The following NALF1 variants were observed in gnomAD, a reference collection of about 807,000 sequenced individuals.
The protein encoded by NALF1 is NALCN channel auxiliary factor 1.
A neutral mutation model predicts 48.4 loss-of-function variants in NALF1; 3 were observed. The observed-to-expected ratio is 0.06, with a 90% CI of 0.03 to 0.16. NALF1 has a LOEUF of 0.16. Among genes scored for constraint, NALF1 ranks in the 10% least tolerant of loss-of-function variants. NALF1 has a pLI of 1.00. For synonymous variants in NALF1, 262 were observed against 245.7 expected (o/e 1.07, Z -0.62); for missense variants, 526 against 571.5 (o/e 0.92, Z 0.81).
At chr13:107,475,116 C>A (rs1015764593) in intron 1 of NALF1, among the ~76,000 whole-genome samples, 5 of 152,116 alleles carry the variant, frequency 3.3e-5, no homozygotes, top group African/African-American at 1.2e-4. Context: ...AGAGAAGAGG[C>A]CAGAAGAGCT....
Position 107,865,868 on chromosome 13 carries a change from A to G in NALF1, c.729T>C (p.Thr243=). The change falls in exon 1 of 3, where the codon ACT becomes ACC. Residue 243 remains threonine (T), a synonymous_variant. Transcript: ENST00000375915. ...ELFSGLSSPN[T]LNCSLDVVLK... is the part of the protein sequence containing the mutation. Reference sequence around the variant, plus strand: ...GCACCACATCCAGACTGCAGTTCAAAGTGTTGGGACTGGACAACCCCGAGA... The same window carrying G: ...GCACCACATCCAGACTGCAGTTCAAGGTGTTGGGACTGGACAACCCCGAGA... The G allele has an allele frequency of 3.1e-6, 5 of 1,613,914 alleles. No individual in the cohort carries two copies. Among genetic ancestry groups the G allele is most frequent in the Non-Finnish European group, 4.2e-6 (5 of 1,180,004 alleles).
At chr13:107,171,314 G>A (rs1020598550) in intron 2 of NALF1, among the ~76,000 whole-genome samples, 6 of 152,148 alleles carry the variant, frequency 3.9e-5, no homozygotes, top group Non-Finnish European at 8.8e-5. Context: ...TATGTCCAGT[G>A]GGTGATCGGG....
intron 1 of NALF1, among the ~76,000 whole-genome samples, chr13:107,838,089 AG>A (rs1879949029): frequency 6.6e-6 from 1 of 152,222 alleles, no homozygotes; most frequent in South Asian, 2.1e-4. Flanking sequence ...CGGCACAAGA[AG>A]TACTTGTGAA....
rs1028358693 is a variant in NALF1 at position 107,362,032 on chromosome 13, C to T, written c.916-151277G>A. ...GATGGCACCATCATAAACTGGGTCC[C>T]TGAGAAACTAGTAAACAGAAGTCGC... On this transcript the variant is annotated intron_variant, in intron 1 of 2. Transcript: ENST00000375915. The surrounding 1 kb of genome is among the most constrained non-coding windows in gnomAD (Gnocchi z 4.6). Among the ~76,000 whole-genome samples the T allele has an allele frequency of 3.3e-5, 5 of 152,106 alleles. No homozygotes were observed. Among genetic ancestry groups the T allele is most frequent in the African/African-American group, 9.7e-5 (4 of 41,430 alleles).
At chr13:107,224,539 A>T (rs1416246460) in intron 1 of NALF1, among the ~76,000 whole-genome samples, 1 of 151,640 alleles carries the variant, frequency 6.6e-6, no homozygotes, top group African/African-American at 2.4e-5. Flanking sequence ...TTAACTGGTT[A>T]AAAAAGCTAA....
intron 1 of NALF1, among the ~76,000 whole-genome samples, chr13:107,465,550 T>C (rs1351611434): frequency 4.6e-5 from 7 of 152,274 alleles, no homozygotes; most frequent in African/African-American, 1.4e-4. Flanking sequence ...TTCACTGGTA[T>C]ATATAATGTG....
intron 2 of NALF1, among the ~76,000 whole-genome samples, chr13:107,189,207 C>T (rs952908747): frequency 1.1e-4 from 16 of 152,170 alleles, no homozygotes; most frequent in African/African-American, 3.9e-4. Context: ...CTAAAGTTTT[C>T]CAGTATTTCA....
Position 107,442,215 on chromosome 13 carries a change from C to T in NALF1, c.916-231460G>A, listed in dbSNP as rs543604174. On this transcript the variant is annotated intron_variant, in intron 1 of 2. Transcript: ENST00000375915. ...AGAGGGAGAGCAAGAGACTATGAGCCTTGCTCTCTTGGTGGCCCAGAGATC... is the reference window on the plus strand; with the variant it reads ...AGAGGGAGAGCAAGAGACTATGAGCTTTGCTCTCTTGGTGGCCCAGAGATC... Among the ~76,000 whole-genome samples the T allele has an allele frequency of 2.0e-5, 3 of 152,184 alleles. No homozygotes were observed. The South Asian group carries it at 6.2e-4, about 32-fold the overall frequency.
At chr13:107,539,434 C>T (rs1876935451) in intron 1 of NALF1, among the ~76,000 whole-genome samples, 1 of 149,902 alleles carries the variant, frequency 6.7e-6, no homozygotes. Context: ...CTCTTATTAG[C>T]CCCGCTTCTC....
intron 1 of NALF1, among the ~76,000 whole-genome samples, chr13:107,396,144 C>T (rs903464273): frequency 2.6e-5 from 4 of 152,090 alleles, no homozygotes; most frequent in Non-Finnish European, 5.9e-5. Context: ...TGTGTCCTCC[C>T]GTGGCAGAAA....
At chr13:107,193,918 T>C (rs538218107) in intron 2 of NALF1, among the ~76,000 whole-genome samples, 35 of 152,272 alleles carry the variant, frequency 2.3e-4, no homozygotes, top group African/African-American at 7.5e-4. Context: ...GAGAGAGCTG[T>C]ATTTATAAAT....
intron 1 of NALF1, among the ~76,000 whole-genome samples, chr13:107,685,806 T>A (rs894146795): frequency 6.6e-6 from 1 of 152,200 alleles, no homozygotes; most frequent in Non-Finnish European, 1.5e-5. Context: ...TGCAAATGAT[T>A]AAATTCCCCT....
At chr13:107,308,294 C>T (rs186018143) in intron 1 of NALF1, among the ~76,000 whole-genome samples, 27 of 150,922 alleles carry the variant, frequency 1.8e-4, no homozygotes, top group African/African-American at 5.4e-4. Flanking sequence ...CTCCGTCTCC[C>T]GGGTTCACAC....
intron 1 of NALF1, among the ~76,000 whole-genome samples, chr13:107,432,925 C>T (rs1884405987): frequency 6.6e-6 from 1 of 152,114 alleles, no homozygotes; most frequent in Admixed American, 6.5e-5. Context: ...ACATTCATCT[C>T]CTGAAGTCTT....
chr13:107,662,232 C>T (rs1382222413), intron 1 of NALF1, among the ~76,000 whole-genome samples: 1 of 152,140 alleles, frequency 6.6e-6, no homozygotes, highest in Non-Finnish European at 1.5e-5. Context: ...GCTGGGTGGC[C>T]ATGATTGTGC....
intron 1 of NALF1, among the ~76,000 whole-genome samples, chr13:107,607,294 C>T (rs552880797): frequency 6.6e-6 from 1 of 151,960 alleles, no homozygotes; most frequent in South Asian, 2.1e-4. Flanking sequence ...AGATTGTAGG[C>T]TTAAATTAAA....
At chr13:107,725,172 C>T (rs1876112552) in intron 1 of NALF1, among the ~76,000 whole-genome samples, 1 of 152,098 alleles carries the variant, frequency 6.6e-6, no homozygotes, top group South Asian at 2.1e-4. Context: ...AAATACAGCT[C>T]AATAACTTAA....
At chr13:107,693,639 A>G (rs923890976) in intron 1 of NALF1, among the ~76,000 whole-genome samples, 2 of 151,934 alleles carry the variant, frequency 1.3e-5, no homozygotes, top group African/African-American at 4.8e-5. Context: ...TGGTAAGGGA[A>G]GTATTCATTG....
At chr13:107,825,868 C>T (rs183979717) in intron 1 of NALF1, among the ~76,000 whole-genome samples, 3 of 152,342 alleles carry the variant, frequency 2.0e-5, no homozygotes, top group African/African-American at 7.2e-5. Context: ...GCAACCTCCA[C>T]CTCCTGGGTT....
Sources: gnomAD v4.1 joint callset for allele counts (sites outside exome capture counted in the v4.1 genomes callset) on GRCh38, gnomAD v4.1.1 for gene constraint, Gnocchi (gnomAD v3.1) non-coding constraint, MANE v1.5 for transcripts, NCBI Gene and HGNC (gene_info 2026-07-23, HGNC 2026-07-21) for gene names.